Variants in ANKS3 observed in about 807,000 individuals in gnomAD.
ANKS3 encodes the protein ankyrin repeat and sterile alpha motif domain containing 3, also known as ankyrin repeat and SAM domain-containing protein 3.
In ANKS3, 62 loss-of-function variants were observed where a neutral mutation model predicts 80.7. That is an observed-to-expected ratio of 0.77 (90% CI 0.63 to 0.95). ANKS3 has a LOEUF of 0.95. Among genes scored for constraint, ANKS3 ranks in the 40% least tolerant of loss-of-function variants. The pLI is 0.00. For synonymous variants in ANKS3, 489 were observed against 355.3 expected (o/e 1.38, Z -4.23); for missense variants, 1,150 against 883.6 (o/e 1.30, Z -3.82).
chr16:4,698,079 C>G lies in ANKS3; in HGVS notation c.1725-17G>C, dbSNP rs776534866. 6.3e-6 allele frequency: 10 copies of G among 1,597,148 alleles called. No individual in the cohort carries two copies. The South Asian group carries it at 1.0e-4, about 16-fold the overall frequency. ...TGACAGGCTCTGCCAGACACAGAAA[C>G]AAATATTGGTGAGAGCAGAGGCCTG... On this transcript the variant is annotated splice_polypyrimidine_tract_variant and intron_variant, in intron 14 of 17. Transcript: ENST00000304283.
Position 4,705,260 on chromosome 16 carries a change from T to A in ANKS3, c.710-7A>T. On this transcript the variant is annotated splice_polypyrimidine_tract_variant and splice_region_variant and intron_variant, in intron 7 of 17. Transcript: ENST00000304283. ...CTCAGATCTTCGTACTTTTCTGTGA[T>A]CAAACACCAAGATTAAGATAGTGTG... The A allele has an allele frequency of 1.9e-6, 3 of 1,613,584 alleles. No homozygotes were observed. The highest frequency in any genetic ancestry group is 1.3e-5 in the African/African-American group (1 of 75,040).
chr16:4,714,734 C>T (rs1028154687), intron 6 of ANKS3, among the ~76,000 whole-genome samples: 1 of 152,152 alleles, frequency 6.6e-6, no homozygotes, highest in African/African-American at 2.4e-5. Context: ...TGGCTCATGC[C>T]TGTAATCCCA....
chr16:4,698,087 G>T, intron 14 of ANKS3, 25 bp from the exon 15 acceptor site: 1 of 1,583,424 alleles, frequency 6.3e-7, no homozygotes, highest in East Asian at 2.3e-5. Context: ...AACAAATATT[G>T]GTGAGAGCAG....
At chr16:4,728,545 T>C (rs1806624668) in intron 3 of ANKS3, among the ~76,000 whole-genome samples, 2 of 152,060 alleles carry the variant, frequency 1.3e-5, no homozygotes, top group Admixed American at 1.3e-4. Context: ...ACTATCTTCC[T>C]TTACACAACA....
intron 14 of ANKS3, 89 bp from the exon 15 acceptor site, chr16:4,698,151 T>C: frequency 7.0e-7 from 1 of 1,420,448 alleles, no homozygotes; most frequent in Non-Finnish European, 9.6e-7. Context: ...AGGGAGGGGC[T>C]CAGCCCTGTC....
chr16:4,723,938 G>GTA (rs2081230831), intron 6 of ANKS3, among the ~76,000 whole-genome samples: 1 of 152,028 alleles, frequency 6.6e-6, no homozygotes, highest in African/African-American at 2.4e-5. Context: ...GCATGCACCT[G>GTA]TAGTCCCAGC....
chr16:4,704,835 A>T (rs992256385), intron 8 of ANKS3, among the ~76,000 whole-genome samples: 1 of 152,208 alleles, frequency 6.6e-6, no homozygotes, highest in African/African-American at 2.4e-5. Context: ...CAGGAGAGAA[A>T]GTTCTATTCC....
chr16:4,704,606 A>G (rs1479171468), intron 8 of ANKS3, among the ~76,000 whole-genome samples: 7 of 152,204 alleles, frequency 4.6e-5, no homozygotes, highest in Admixed American at 4.6e-4. Flanking sequence ...TTCACCAGCA[A>G]GTCAACAAGC....
At position 4,698,887 on chromosome 16, in the gene ANKS3, A is replaced by C; in HGVS notation, c.1464T>G (p.Ser488Arg). ...MTSAIARWHS[S>R]ARPPGDALEL... ...CCAGGGCATCCCCGGGTGGGCGGGCACTGCTGTGCCAGCGGGCAATGGCGG... is the reference window on the plus strand; with the variant it reads ...CCAGGGCATCCCCGGGTGGGCGGGCCCTGCTGTGCCAGCGGGCAATGGCGG... Residue 488 changes from serine (S) to arginine (R), a missense_variant, in exon 13 of 18, where the codon AGT becomes AGG. Ser to Arg is a moderately radical substitution (Grantham distance 110). Transcript: ENST00000304283. 1 of 1,600,462 alleles carries C rather than the reference A, an allele frequency of 6.2e-7. No homozygotes were observed. The highest frequency in any genetic ancestry group is 1.1e-5 in the South Asian group (1 of 88,894).
Position 4,727,059 on chromosome 16 carries a change from C to T in ANKS3, c.289G>A (p.Val97Met). The change falls in exon 4 of 18, where the codon GTG (valine) becomes ATG (methionine). Residue 97 changes from valine to methionine, a missense_variant. Val to Met is a conservative substitution (Grantham distance 21, BLOSUM62 1). Coordinates refer to ENST00000304283, the MANE Select transcript of ANKS3 (RefSeq NM_133450.4). ...GGAGTCTGCCCTTCTGGGGTCGGCACATTCACACTCACCCCCGCCTCAAGC... is the reference window on the plus strand; with the variant it reads ...GGAGTCTGCCCTTCTGGGGTCGGCATATTCACACTCACCCCCGCCTCAAGC... Reference protein sequence around the residue: ...LLLEAGVSVNVPTPEGQTPLM... With the variant: ...LLLEAGVSVNMPTPEGQTPLM... 1 of 1,614,178 alleles carries T rather than the reference C, an allele frequency of 6.2e-7. No individual in the cohort carries two copies. Among genetic ancestry groups the T allele is most frequent in the Non-Finnish European group, 8.5e-7 (1 of 1,180,046 alleles).
chr16:4,726,697 G>T lies in ANKS3; in HGVS notation c.453C>A (p.Val151=). 1 of 1,614,214 alleles carries T rather than the reference G, an allele frequency of 6.2e-7. No homozygotes were observed. Among genetic ancestry groups the T allele is most frequent in the South Asian group, 1.1e-5 (1 of 91,074 alleles). Residue 151 remains valine, a synonymous_variant, in exon 5 of 18, where the codon GTC becomes GTA. Coordinates refer to ENST00000304283, the MANE Select transcript of ANKS3 (RefSeq NM_133450.4). Reference sequence around the variant, plus strand: ...TGGCTCCACTGTCCAAGAGGAACCTGACCATGTGCTGGTGCCCGGCGCTGG... The same window carrying T: ...TGGCTCCACTGTCCAAGAGGAACCTTACCATGTGCTGGTGCCCGGCGCTGG... The part of the protein sequence containing the change: ...HCTSAGHQHM[V]RFLLDSGANA...
chr16:4,700,802 C>T, intron 11 of ANKS3, 168 bp downstream of exon 11: 4 of 920,668 alleles, frequency 4.3e-6, no homozygotes, highest in Non-Finnish European at 7.1e-6. Context: ...GCGGGGCTGC[C>T]AGCCATGGAG....
At chr16:4,716,851 G>A (rs939969302) in intron 6 of ANKS3, among the ~76,000 whole-genome samples, 1 of 152,050 alleles carries the variant, frequency 6.6e-6, no homozygotes, top group Non-Finnish European at 1.5e-5. Context: ...GGAGGCGGAG[G>A]TTGCAGTGAG....
chr16:4,719,182 A>T (rs9927452), intron 6 of ANKS3, among the ~76,000 whole-genome samples: 6,820 of 152,106 alleles, frequency 0.045, 483 homozygotes, highest in African/African-American at 0.15. Context: ...AAAAAAATCA[A>T]ATCAGCTAGT....
Position 4,727,108 on chromosome 16 carries a change from G to A in ANKS3, c.240C>T (p.Gly80=). The change falls in exon 4 of 18, where the codon GGC becomes GGT. Residue 80 remains glycine (G), a synonymous_variant. Coordinates refer to ENST00000304283, the MANE Select transcript of ANKS3 (RefSeq NM_133450.4). The stretch of plus-strand genomic sequence containing the variant: ...GCAGCAGGTGCACGATTGTGTCGTG[G>A]CCAATGTAGGAGGCATACATCAGCG... ...WTPLMYASYI[G]HDTIVHLLLE... 6.2e-7 allele frequency: 1 copy of A among 1,614,178 alleles called. No individual in the cohort carries two copies. The highest frequency in any genetic ancestry group is 1.1e-5 in the South Asian group (1 of 91,082).
chr16:4,714,155 C>G lies in ANKS3; in HGVS notation c.605G>C (p.Gly202Ala). 6.2e-7 allele frequency: 1 copy of G among 1,614,132 alleles called. No homozygotes were observed. The highest frequency in any genetic ancestry group is 8.5e-7 in the Non-Finnish European group (1 of 1,180,026). ...GVKVDARDHS[G>A]ATARMLAKQY... is the part of the protein sequence containing the mutation. ...CTTGGCCAGCATCCGGGCTGTGGCT[C>G]CACTGTGGTCTCTCGCGTCCACCTT... The change falls in exon 7 of 18, where the codon GGA (glycine) becomes GCA (alanine). Residue 202 changes from glycine to alanine, a missense_variant. Physicochemically the swap from Gly to Ala is moderately conservative, Grantham distance 60. Transcript: ENST00000304283.
intron 7 of ANKS3, among the ~76,000 whole-genome samples, chr16:4,707,648 C>T (rs564512931): frequency 6.6e-6 from 1 of 152,120 alleles, no homozygotes; most frequent in African/African-American, 2.4e-5. Flanking sequence ...AAATCTGTCA[C>T]CAAAAAATGC....
chr16:4,732,467 G>A (rs919317012), intron 1 of ANKS3, among the ~76,000 whole-genome samples: 1 of 152,152 alleles, frequency 6.6e-6, no homozygotes, highest in South Asian at 2.1e-4. Flanking sequence ...CGGACCACTT[G>A]AGGCCAGGAG....
In ANKS3 at chr16:4,705,312, CT is replaced by C. The variant is rs747537679; in HGVS notation, c.710-60del. On this transcript the variant is annotated intron_variant, in intron 7 of 17. Coordinates refer to ENST00000304283, the MANE Select transcript of ANKS3 (RefSeq NM_133450.4). ...TCAGTAATGGACTCATTTACTAATC[CT>C]TACGGCAAACTGAAAGAAAGTGACT... The C allele has an allele frequency of 4.0e-4, 629 of 1,561,040 alleles. 1 individual carries two copies. Among genetic ancestry groups the C allele is most frequent in the Non-Finnish European group, 5.3e-4 (609 of 1,147,884 alleles).
Sources: allele counts gnomAD v4.1 joint callset (sites outside exome capture counted in the v4.1 genomes callset), GRCh38; gene constraint gnomAD v4.1.1; transcripts MANE v1.5; gene names NCBI Gene and HGNC (gene_info 2026-07-23, HGNC 2026-07-21).